The following DLG2 variants were observed in gnomAD, a reference collection of about 807,000 sequenced individuals.
DLG2 encodes the protein disks large homolog 2.
DLG2 carries 45 observed loss-of-function variants against 132.5 expected under a neutral mutation model. The observed-to-expected ratio is 0.34, with a 90% CI of 0.27 to 0.44. The LOEUF (loss-of-function observed/expected upper bound fraction) is 0.44, where lower values mean the gene tolerates loss of function less well. Ranked by LOEUF, DLG2 falls within the 20% of genes least tolerant of loss-of-function variation. The pLI, the probability that DLG2 is intolerant of heterozygous loss-of-function variation, is 1.00. For synonymous variants in DLG2, 424 were observed against 419.6 expected, an observed-to-expected ratio of 1.01 and a Z score of -0.13; for missense variants, 1,045 against 1,196.9, an observed-to-expected ratio of 0.87 and a Z score of 1.87.
intron 9 of DLG2, among the ~76,000 whole-genome samples, chr11:84,102,703 C>T (rs569256860): frequency 1.7e-4 from 26 of 152,218 alleles, no homozygotes; most frequent in African/African-American, 5.8e-4. Context: ...TCTTTTGGGA[C>T]TCTGGCTAGA....
chr11:85,624,885 A>G (rs956202), intron 2 of DLG2, among the ~76,000 whole-genome samples: 40,679 of 152,102 alleles, frequency 0.27, 6,002 homozygotes, highest in East Asian at 0.39. Flanking sequence ...GGAGGGAGGC[A>G]AAGGAAGAGA....
intron 7 of DLG2, among the ~76,000 whole-genome samples, chr11:84,391,834 G>A (rs932674548): frequency 6.6e-6 from 1 of 150,868 alleles, no homozygotes; most frequent in South Asian, 2.1e-4. Flanking sequence ...TTGCAGTTTA[G>A]TATGCTAGAA....
intron 6 of DLG2, among the ~76,000 whole-genome samples, chr11:84,764,537 GAC>G (rs2068120026): frequency 6.6e-6 from 1 of 152,056 alleles, no homozygotes; most frequent in Non-Finnish European, 1.5e-5. Flanking sequence ...CTATCAAGAA[GAC>G]ACTGTTAGTA....
chr11:83,743,410 A>G (rs2153722757), intron 18 of DLG2, among the ~76,000 whole-genome samples: 1 of 136,346 alleles, frequency 7.3e-6, no homozygotes, highest in South Asian at 2.3e-4. Flanking sequence ...CTTACAATGT[A>G]CATAACAGTG....
chr11:85,052,052 TG>T (rs1312005479), intron 6 of DLG2, among the ~76,000 whole-genome samples: 1 of 152,148 alleles, frequency 6.6e-6, no homozygotes, highest in African/African-American at 2.4e-5. Context: ...TTTAAAAGAA[TG>T]GCTAGAAAAT....
At chr11:85,593,479 G>A (rs2079514980) in intron 3 of DLG2, among the ~76,000 whole-genome samples, 1 of 152,078 alleles carries the variant, frequency 6.6e-6, no homozygotes, top group Non-Finnish European at 1.5e-5. Flanking sequence ...CTAGTGCTGA[G>A]GTCCAAGAAC....
chr11:84,536,789 T>G (rs569905124), intron 6 of DLG2, among the ~76,000 whole-genome samples: 1 of 152,336 alleles, frequency 6.6e-6, no homozygotes, highest in South Asian at 2.1e-4. Context: ...TGAGTCTGCT[T>G]GATTTATATC....
At chr11:84,603,145 T>A (rs1485110497) in intron 6 of DLG2, among the ~76,000 whole-genome samples, 1 of 151,954 alleles carries the variant, frequency 6.6e-6, no homozygotes, top group African/African-American at 2.4e-5. Flanking sequence ...TGTTCATGGT[T>A]CTCCTAGAGG....
At chr11:83,535,128 C>A (rs966134977) in intron 20 of DLG2, among the ~76,000 whole-genome samples, 1 of 152,172 alleles carries the variant, frequency 6.6e-6, no homozygotes, top group Admixed American at 6.5e-5. Flanking sequence ...CACTTCATCA[C>A]CTTTTCTCGA....
rs187478424 is a variant in DLG2 at position 85,066,070 on chromosome 11, A to G, written c.357+45591T>C. Among the ~76,000 whole-genome samples, 89 of 151,750 alleles carry G rather than the reference A, an allele frequency of 5.9e-4. 1 individual carries two copies. The highest frequency in any genetic ancestry group is 2.0e-3 in the African/African-American group (81 of 41,516). On this transcript the variant is annotated intron_variant, in intron 6 of 27. Transcript: ENST00000376104. ...AAAATAGCCAGATTAACTGAGAAGGAAACACAGAATTTTCAAATAAGCAAA... is the reference window on the plus strand; with the variant it reads ...AAAATAGCCAGATTAACTGAGAAGGGAACACAGAATTTTCAAATAAGCAAA...
At chr11:83,661,790 T>G (rs2074336211) in intron 18 of DLG2, among the ~76,000 whole-genome samples, 1 of 152,058 alleles carries the variant, frequency 6.6e-6, no homozygotes, top group Non-Finnish European at 1.5e-5. Flanking sequence ...CACCTTACAC[T>G]TCCGACTCAA....
intron 7 of DLG2, among the ~76,000 whole-genome samples, chr11:84,359,781 A>G (rs1460244057): frequency 6.6e-6 from 1 of 151,890 alleles, no homozygotes; most frequent in African/African-American, 2.4e-5. Flanking sequence ...TCCCTACACT[A>G]AGATAATAGA....
chr11:83,975,748 G>A (rs948522047), intron 12 of DLG2, among the ~76,000 whole-genome samples: 2 of 151,928 alleles, frequency 1.3e-5, no homozygotes, highest in African/African-American at 2.4e-5. Flanking sequence ...AAGTGGAGAA[G>A]TGGAAAGACA....
chr11:83,956,093 C>G (rs1473444341), intron 14 of DLG2, among the ~76,000 whole-genome samples: 1 of 152,188 alleles, frequency 6.6e-6, no homozygotes, highest in African/African-American at 2.4e-5. Flanking sequence ...TGACTACAGC[C>G]TGACTTCAGG....
intron 2 of DLG2, among the ~76,000 whole-genome samples, chr11:85,601,149 T>C (rs1043023820): frequency 2.0e-5 from 3 of 152,132 alleles, no homozygotes; most frequent in Admixed American, 2.0e-4. Flanking sequence ...TTTATTACTT[T>C]TTAATATAAT....
intron 8 of DLG2, among the ~76,000 whole-genome samples, chr11:84,222,425 A>G (rs917246609): frequency 6.6e-6 from 1 of 152,208 alleles, no homozygotes; most frequent in African/African-American, 2.4e-5. Flanking sequence ...ATCTATGACT[A>G]CAATTCAGAA....
At chr11:84,016,398 G>C (rs1322282686) in intron 11 of DLG2, among the ~76,000 whole-genome samples, 2 of 151,772 alleles carry the variant, frequency 1.3e-5, no homozygotes, top group Admixed American at 1.3e-4. Flanking sequence ...AATTACTTTT[G>C]GTGTCTTCAT....
intron 6 of DLG2, among the ~76,000 whole-genome samples, chr11:84,628,101 T>TAC (rs202008141): frequency 4.2e-4 from 47 of 112,214 alleles, no homozygotes; most frequent in African/African-American, 8.3e-4. Context: ...CACACATATA[T>TAC]ACACACATAT....
chr11:83,932,700 G>T (rs2080557383), intron 14 of DLG2, among the ~76,000 whole-genome samples: 1 of 56,566 alleles, frequency 1.8e-5, no homozygotes, highest in African/African-American at 3.4e-5. Context: ...TGAATGAATA[G>T]ATAATTTTTT....
Sources: gnomAD v4.1 joint callset for allele counts (sites outside exome capture counted in the v4.1 genomes callset) on GRCh38, gnomAD v4.1.1 for gene constraint, MANE v1.5 for transcripts, NCBI Gene and HGNC (gene_info 2026-07-23, HGNC 2026-07-21) for gene names.